Variants in NUP214 observed in about 807,000 individuals in gnomAD.
NUP214 encodes nucleoporin 214, also known as nuclear pore complex protein Nup214.
Under a neutral mutation model 196.2 loss-of-function variants are expected in NUP214, and 79 were observed. The observed-to-expected ratio is 0.40, with a 90% confidence interval of 0.34 to 0.49. NUP214 has a LOEUF of 0.49. NUP214 is among the 20% of genes least tolerant of loss of function. The pLI, the probability that NUP214 is intolerant of heterozygous loss-of-function variation, is 0.58. For missense variants in NUP214, 2,468 were observed against 2,539.0 expected, an observed-to-expected ratio of 0.97 and a Z score of 0.60; for synonymous variants, 1,020 against 990.5, an observed-to-expected ratio of 1.03 and a Z score of -0.56.
In NUP214 at chr9:131,125,687, C is replaced by G; in HGVS notation, c.-18C>G. The G allele has an allele frequency of 6.5e-7, 1 of 1,549,692 alleles. No individual in the cohort carries two copies. Among genetic ancestry groups the G allele is most frequent in the Non-Finnish European group, 8.7e-7 (1 of 1,146,146 alleles). On this transcript the variant is annotated 5_prime_UTR_variant, in exon 1 of 36. Transcript: ENST00000359428. This position sits in a 1 kb window ranked among gnomAD's most constrained non-coding sequence, Gnocchi z 4.1. ...TGGGAGGCAGCGTTGGCTGCTTCGACACACTGAGGGCGGCGCGATGGGAGA... is the reference window on the plus strand; with the variant it reads ...TGGGAGGCAGCGTTGGCTGCTTCGAGACACTGAGGGCGGCGCGATGGGAGA...
At chr9:131,166,782 T>C (rs1832797150) in intron 21 of NUP214, among the ~76,000 whole-genome samples, 1 of 152,178 alleles carries the variant, frequency 6.6e-6, no homozygotes, top group Non-Finnish European at 1.5e-5. Context: ...TTTGACATTT[T>C]TTGTTATTTT....
At position 131,164,130 on chromosome 9, in the gene NUP214, G is replaced by T; in HGVS notation, c.2879G>T (p.Arg960Ile). Residue 960 changes from arginine to isoleucine, a missense_variant, in exon 21 of 36, where the codon AGA (arginine) becomes ATA (isoleucine). By Grantham distance (97) the Arg-to-Ile change is moderately conservative. Around this residue, in one of 5 missense-constraint regions of NUP214, gnomAD observed 1,801 missense variants for 1,779.4 expected, o/e 1.01. Coordinates refer to ENST00000359428, the MANE Select transcript of NUP214 (RefSeq NM_005085.4). ...GCCAAGAGGAAGACCCCACCAGTGA[G>T]ATCCACTGCTCCAGGTAAAGAGAAC... ...FLAKRKTPPV[R>I]STAPASLSRS... 1.2e-6 allele frequency: 2 copies of T among 1,614,124 alleles called. No individual in the cohort carries two copies. The highest frequency in any genetic ancestry group is 1.7e-6 in the Non-Finnish European group (2 of 1,180,006).
rs367679245 is a variant in NUP214, at chr9:131,233,509, G to A, written c.*22G>A. On this transcript the variant is annotated 3_prime_UTR_variant, in exon 36 of 36. Coordinates refer to ENST00000359428, the MANE Select transcript of NUP214 (RefSeq NM_005085.4). ...CTGAGGGCGTGTCAGCAGGCCTTTC[G>A]ATCCCTGGGACCAACCGCATCCTCA... The A allele has an allele frequency of 2.8e-5, 45 of 1,613,432 alleles. No homozygotes were observed. The African/African-American group carries it at 4.9e-4, about 18-fold the overall frequency.
intron 4 of NUP214, among the ~76,000 whole-genome samples, chr9:131,130,120 G>T (rs143647311): frequency 3.1e-5 from 4 of 128,106 alleles, no homozygotes; most frequent in African/African-American, 8.8e-5. Flanking sequence ...GGGAGCAGGA[G>T]AATGATTTCT....
chr9:131,215,864 T>G (rs572074854), intron 31 of NUP214, among the ~76,000 whole-genome samples: 35 of 152,160 alleles, frequency 2.3e-4, no homozygotes, highest in Admixed American at 3.9e-4. Flanking sequence ...TATTTTCATC[T>G]GAAGCTGTAT....
chr9:131,206,130 A>AAT (rs1834072697), intron 30 of NUP214, among the ~76,000 whole-genome samples: 2 of 76,342 alleles, frequency 2.6e-5, no homozygotes, highest in Non-Finnish European at 5.4e-5. Context: ...TATTCCACAT[A>AAT]GAATTTTTTT....
intron 31 of NUP214, chr9:131,222,541 A>G (rs1006253816): frequency 1.2e-4 from 46 of 398,448 alleles, no homozygotes; most frequent in Non-Finnish European, 1.5e-4. Flanking sequence ...TTGTGCCTAT[A>G]AAATCATGCC....
At chr9:131,219,520 A>C (rs931486891) in intron 31 of NUP214, among the ~76,000 whole-genome samples, 1 of 152,346 alleles carries the variant, frequency 6.6e-6, no homozygotes, top group Non-Finnish European at 1.5e-5. Context: ...TGGAGTTGGC[A>C]TGTTCTGTAT....
chr9:131,228,478 A>ACC (rs1834786593), intron 33 of NUP214, 147 bp downstream of exon 33: 2 of 694,516 alleles, frequency 2.9e-6, no homozygotes. Context: ...GGATTCCTGT[A>ACC]CCTCTCCAGG....
intron 16 of NUP214, 95 bp downstream of exon 16, chr9:131,150,860 G>C (rs1832236009): frequency 8.2e-7 from 1 of 1,215,934 alleles, no homozygotes; most frequent in Non-Finnish European, 1.1e-6. Context: ...TTTCTTCAAG[G>C]ACCACCAGTG....
intron 30 of NUP214, among the ~76,000 whole-genome samples, chr9:131,211,837 CA>C (rs1471716572): frequency 3.3e-5 from 5 of 152,250 alleles, no homozygotes; most frequent in Admixed American, 2.0e-4. Context: ...ATTATCTGCA[CA>C]AATTGTGGAG....
chr9:131,164,196 T>C, intron 21 of NUP214, 52 bp downstream of exon 21: 1 of 1,460,090 alleles, frequency 6.8e-7, no homozygotes, highest in Non-Finnish European at 9.6e-7. Flanking sequence ...TGTGGTGGGG[T>C]GTGTGTGTGT....
chr9:131,168,154 C>A (rs140170773), intron 21 of NUP214, among the ~76,000 whole-genome samples: 15 of 152,256 alleles, frequency 9.9e-5, no homozygotes, highest in Non-Finnish European at 1.8e-4. Context: ...CTTCCCAAAG[C>A]GCTGGGATTA....
chr9:131,159,921 C>T (rs1040073389), intron 18 of NUP214, among the ~76,000 whole-genome samples: 3 of 151,014 alleles, frequency 2.0e-5, no homozygotes, highest in African/African-American at 7.3e-5. Context: ...AACAGTCATT[C>T]TACTTGAAAT....
intron 1 of NUP214, 133 bp from the exon 2 acceptor site, chr9:131,127,391 A>G (rs1831395950): frequency 1.4e-6 from 1 of 708,978 alleles, no homozygotes; most frequent in African/African-American, 1.8e-5. Context: ...TCAAAAAAGA[A>G]AAAAAGACAA....
Position 131,163,094 on chromosome 9 carries a change from CTT to C in NUP214, c.2645_2646del (p.Leu882ProfsTer28). On this transcript the variant is annotated frameshift_variant, in exon 19 of 36. Transcript: ENST00000359428. LOFTEE classifies it high-confidence loss of function. ...RKRLNHLVDS[L>X]QQLRLYKQTS... ...GAGGCTGAATCACCTGGTGGATAGT[CTT>C]CAGCAGCTCCGCCTTTACAAACAGA... The C allele has an allele frequency of 6.2e-7, 1 of 1,614,206 alleles. No homozygotes were observed. The highest frequency in any genetic ancestry group is 8.5e-7 in the Non-Finnish European group (1 of 1,180,012).
At chr9:131,150,873 G>A in intron 16 of NUP214, 108 bp downstream of exon 16, 1 of 1,126,474 alleles carries the variant, frequency 8.9e-7, no homozygotes, top group Non-Finnish European at 1.2e-6. Context: ...CACCAGTGTT[G>A]TTGTTTTTTT....
intron 30 of NUP214, among the ~76,000 whole-genome samples, chr9:131,204,702 C>T (rs1834032143): frequency 6.6e-6 from 1 of 152,158 alleles, no homozygotes; most frequent in Non-Finnish European, 1.5e-5. Context: ...GAAAATCCAA[C>T]ACACATTTAA....
intron 26 of NUP214, chr9:131,191,483 ATAAAG>A (rs1409402891): frequency 6.6e-6 from 1 of 152,186 alleles, no homozygotes; most frequent in African/African-American, 2.4e-5. Context: ...AAATAAATAA[ATAAAG>A]TAGAGCAGTA....
Sources: allele counts gnomAD v4.1 joint callset (sites outside exome capture counted in the v4.1 genomes callset), GRCh38; gene constraint gnomAD v4.1.1; regional missense constraint gnomAD v4.1.1; non-coding constraint Gnocchi (gnomAD v3.1); transcripts MANE v1.5; gene names NCBI Gene and HGNC (gene_info 2026-07-23, HGNC 2026-07-21).